The following DLG2 variants were observed in gnomAD, a reference collection of about 807,000 sequenced individuals.
DLG2 encodes disks large homolog 2.
A neutral mutation model predicts 132.5 loss-of-function variants in DLG2; 45 were observed. The observed-to-expected ratio is 0.34, with a 90% CI of 0.27 to 0.44. The LOEUF is 0.44. Ranked by LOEUF, DLG2 falls within the 20% of genes least tolerant of loss-of-function variation. The probability of loss-of-function intolerance (pLI) is 1.00; values close to 1 mark genes in which losing one functional copy is unlikely to be tolerated. For synonymous variants in DLG2, 424 were observed against 419.6 expected (o/e 1.01, Z -0.13); for missense variants, 1,045 against 1,196.9 (o/e 0.87, Z 1.87).
rs116512233 is a variant in DLG2 at position 84,708,186 on chromosome 11, T to G, written c.358-173455A>C. On this transcript the variant is annotated intron_variant, in intron 6 of 27. Transcript: ENST00000376104. ...ACCTTACTAGTAAAGAGAATTTTCA[T>G]CTTAATGTGCCTTAGTGTTCTCGTC... Among the ~76,000 whole-genome samples, 1,070 of 151,992 alleles carry G rather than the reference T, an allele frequency of 7.0e-3. 16 individuals carry two copies. Among genetic ancestry groups the G allele is most frequent in the African/African-American group, 0.023 (971 of 41,522 alleles).
intron 3 of DLG2, among the ~76,000 whole-genome samples, chr11:85,294,732 T>C (rs2079115087): frequency 6.6e-6 from 1 of 152,146 alleles, no homozygotes; most frequent in African/African-American, 2.4e-5. Flanking sequence ...ACATAGAATA[T>C]GCTCAGCCAG....
chr11:84,824,360 C>T (rs1214985639), intron 6 of DLG2, among the ~76,000 whole-genome samples: 1 of 151,840 alleles, frequency 6.6e-6, no homozygotes, highest in Non-Finnish European at 1.5e-5. Flanking sequence ...ATTAGAAACA[C>T]ATAGCTAACA....
At chr11:83,843,696 C>G (rs753609867) in intron 16 of DLG2, among the ~76,000 whole-genome samples, 1 of 152,224 alleles carries the variant, frequency 6.6e-6, no homozygotes, top group African/African-American at 2.4e-5. Context: ...CAGGATTGTC[C>G]TCTACAGGTC....
intron 11 of DLG2, among the ~76,000 whole-genome samples, chr11:84,014,050 T>G (rs748292319): frequency 6.6e-6 from 1 of 152,086 alleles, no homozygotes; most frequent in Non-Finnish European, 1.5e-5. Context: ...CCAAATAGAA[T>G]TGTATACATA....
chr11:83,522,363 G>A (rs1421146414), intron 21 of DLG2, among the ~76,000 whole-genome samples: 1 of 152,080 alleles, frequency 6.6e-6, no homozygotes, highest in African/African-American at 2.4e-5. Context: ...TGGCAGAGGT[G>A]GGGTCTTATT....
chr11:84,968,939 G>A (rs761209519), intron 6 of DLG2, among the ~76,000 whole-genome samples: 26 of 151,726 alleles, frequency 1.7e-4, no homozygotes, highest in Non-Finnish European at 2.6e-4. Flanking sequence ...TAGTTCTTTC[G>A]GAAAAATAGT....
chr11:84,433,929 G>A (rs919393927), intron 7 of DLG2, among the ~76,000 whole-genome samples: 4 of 151,878 alleles, frequency 2.6e-5, no homozygotes, highest in African/African-American at 9.7e-5. Flanking sequence ...CCACTTTGGG[G>A]AACATGGGGA....
At chr11:83,905,986 G>C (rs1481192116) in intron 15 of DLG2, among the ~76,000 whole-genome samples, 1 of 150,862 alleles carries the variant, frequency 6.6e-6, no homozygotes, top group African/African-American at 2.4e-5. Flanking sequence ...GCTGTGTTTT[G>C]TTAGAAGTAA....
chr11:84,854,496 C>A (rs1943717), intron 6 of DLG2, among the ~76,000 whole-genome samples: 6,774 of 152,024 alleles, frequency 0.045, 182 homozygotes, highest in Middle Eastern at 0.085. Flanking sequence ...ACTCACTGTT[C>A]AGCATTAAGT....
At chr11:84,544,192 A>G (rs577112557) in intron 6 of DLG2, among the ~76,000 whole-genome samples, 2 of 152,234 alleles carry the variant, frequency 1.3e-5, no homozygotes, top group Admixed American at 1.3e-4. Flanking sequence ...GATCTAGGGA[A>G]GGCTAGACTC....
At chr11:84,341,157 G>A (rs1173156182) in intron 7 of DLG2, among the ~76,000 whole-genome samples, 1 of 151,990 alleles carries the variant, frequency 6.6e-6, no homozygotes, top group Non-Finnish European at 1.5e-5. Flanking sequence ...ACTTCTCTGA[G>A]TTTCAATTTC....
chr11:83,998,824 G>A (rs1006927364), intron 11 of DLG2, among the ~76,000 whole-genome samples: 1 of 152,130 alleles, frequency 6.6e-6, no homozygotes, highest in African/African-American at 2.4e-5. Context: ...CAGTGCCAGG[G>A]CTAAGGTGCA....
intron 6 of DLG2, among the ~76,000 whole-genome samples, chr11:84,535,554 A>AG (rs1478856314): frequency 2.0e-5 from 3 of 152,138 alleles, no homozygotes; most frequent in Non-Finnish European, 4.4e-5. Context: ...AAGTTGGCAG[A>AG]GAAAAAAAAA....
intron 3 of DLG2, among the ~76,000 whole-genome samples, chr11:85,521,532 T>C (rs1044822176): frequency 6.6e-6 from 1 of 152,052 alleles, no homozygotes; most frequent in Non-Finnish European, 1.5e-5. Context: ...TATAAAGATA[T>C]CTGAAAATGT....
At chr11:85,295,314 C>T (rs1345979263) in intron 3 of DLG2, among the ~76,000 whole-genome samples, 2 of 152,084 alleles carry the variant, frequency 1.3e-5, no homozygotes, top group African/African-American at 2.4e-5. Context: ...CTAAAAAATT[C>T]CCAATATCTT....
chr11:85,008,701 T>C (rs2058905023), intron 6 of DLG2, among the ~76,000 whole-genome samples: 1 of 152,098 alleles, frequency 6.6e-6, no homozygotes, highest in South Asian at 2.1e-4. Flanking sequence ...TAAGTCTTAC[T>C]ATATGCCAGC....
chr11:85,049,054 C>G (rs779201766), intron 6 of DLG2, among the ~76,000 whole-genome samples: 5 of 152,000 alleles, frequency 3.3e-5, no homozygotes, highest in Non-Finnish European at 7.4e-5. Flanking sequence ...ACTTTGTATA[C>G]ATTCGTCATT....
At chr11:85,346,269 G>C (rs1596398090) in intron 3 of DLG2, among the ~76,000 whole-genome samples, 3 of 151,416 alleles carry the variant, frequency 2.0e-5, no homozygotes, top group Non-Finnish European at 4.4e-5. Flanking sequence ...CTCACTGCAA[G>C]CTCTGCCTCC....
chr11:85,398,229 A>G (rs927581816), intron 3 of DLG2, among the ~76,000 whole-genome samples: 3 of 152,220 alleles, frequency 2.0e-5, no homozygotes, highest in Non-Finnish European at 4.4e-5. Context: ...TTTGAAACCA[A>G]TGAGAACAAA....
Sources: gnomAD v4.1 joint callset for allele counts (sites outside exome capture counted in the v4.1 genomes callset) on GRCh38, gnomAD v4.1.1 for gene constraint, MANE v1.5 for transcripts, NCBI Gene and HGNC (gene_info 2026-07-23, HGNC 2026-07-21) for gene names.